The following GRIK5 variants were observed in gnomAD, a reference collection of about 807,000 sequenced individuals.
GRIK5 encodes glutamate ionotropic receptor kainate type subunit 5.
GRIK5 carries 43 observed loss-of-function variants against 97.4 expected under a neutral mutation model. The observed-to-expected ratio is 0.44, with a 90% CI of 0.35 to 0.57. GRIK5 has a LOEUF of 0.57. Ranked by LOEUF, GRIK5 falls within the 20% of genes least tolerant of loss-of-function variation. The probability of loss-of-function intolerance (pLI) is 0.01; values close to 1 mark genes in which losing one functional copy is unlikely to be tolerated. For synonymous variants in GRIK5, 580 were observed against 583.5 expected, an observed-to-expected ratio of 0.99 and a Z score of 0.09; for missense variants, 1,015 against 1,382.0, an observed-to-expected ratio of 0.73 and a Z score of 4.21.
intron 3 of GRIK5, among the ~76,000 whole-genome samples, chr19:42,064,426 C>T (rs1240604160): frequency 6.6e-6 from 1 of 152,082 alleles, no homozygotes; most frequent in African/African-American, 2.4e-5. Flanking sequence ...CCCATACCCC[C>T]CCATTTCTTG....
At chr19:42,013,196 A>G (rs1050605168) in intron 15 of GRIK5, among the ~76,000 whole-genome samples, 15 of 151,872 alleles carry the variant, frequency 9.9e-5, no homozygotes, top group African/African-American at 2.7e-4. Flanking sequence ...ACAAAAAAAA[A>G]AAAATGAAAA....
intron 6 of GRIK5, among the ~76,000 whole-genome samples, chr19:42,058,891 A>C (rs911142801): frequency 6.6e-6 from 1 of 152,120 alleles, no homozygotes; most frequent in African/African-American, 2.4e-5. Context: ...GAGCTCAATA[A>C]AAAATGTTTA....
intron 12 of GRIK5, among the ~76,000 whole-genome samples, chr19:42,028,373 C>T (rs1285377621): frequency 6.6e-6 from 1 of 152,206 alleles, no homozygotes; most frequent in Non-Finnish European, 1.5e-5. Flanking sequence ...AAACCATATT[C>T]CTGCTTTGCC....
At chr19:42,066,003 C>T (rs1047872470) in intron 1 of GRIK5, among the ~76,000 whole-genome samples, 183 bp from the exon 2 acceptor site, 3 of 152,154 alleles carry the variant, frequency 2.0e-5, no homozygotes, top group Non-Finnish European at 1.5e-5. Context: ...AGAAGGGAAG[C>T]TCAGCTCAGA....
At chr19:42,046,269 T>C (rs1025836387) in intron 11 of GRIK5, among the ~76,000 whole-genome samples, 1 of 152,010 alleles carries the variant, frequency 6.6e-6, no homozygotes, top group African/African-American at 2.4e-5. Context: ...AGGACTGGGG[T>C]CTGAGCTTAG....
At chr19:42,046,557 G>A (rs754746461) in intron 11 of GRIK5, among the ~76,000 whole-genome samples, 1 of 152,144 alleles carries the variant, frequency 6.6e-6, no homozygotes, top group Non-Finnish European at 1.5e-5. Flanking sequence ...TGAGAACAAA[G>A]ACTGAAACAA....
chr19:42,027,300 T>C (rs1462895246), intron 12 of GRIK5, among the ~76,000 whole-genome samples: 1 of 152,176 alleles, frequency 6.6e-6, no homozygotes, highest in Non-Finnish European at 1.5e-5. Context: ...AAGGGGGGTC[T>C]TATTTGAATA....
chr19:42,047,798 C>T (rs761384522), intron 11 of GRIK5, among the ~76,000 whole-genome samples: 9 of 151,698 alleles, frequency 5.9e-5, no homozygotes, highest in Non-Finnish European at 1.5e-5. Flanking sequence ...GGTGAAACCC[C>T]TATCTCTACT....
intron 15 of GRIK5, among the ~76,000 whole-genome samples, chr19:42,009,467 C>CT (rs1473756169): frequency 7.0e-6 from 1 of 143,018 alleles, no homozygotes; most frequent in Admixed American, 7.0e-5. Context: ...GAGACCTTAT[C>CT]TTTAAAAAAA....
chr19:42,057,043 G>C lies in GRIK5; in HGVS notation c.688-65C>G, dbSNP rs1399658257. ...GAGACCCACAGGCAGAGATGGGGAG[G>C]ACTCAAGAGAAGAAGAGAGATTTAG... is the stretch of plus-strand genomic sequence containing the variant. On this transcript the variant is annotated intron_variant, in intron 6 of 19. Coordinates refer to ENST00000593562, the MANE Select transcript of GRIK5 (RefSeq NM_002088.5). 53 of 1,215,802 alleles carry C rather than the reference G, an allele frequency of 4.4e-5. No homozygotes were observed. In the South Asian group the frequency reaches 5.7e-4, roughly 13 times the overall value. The allele number at this position is 1,215,802 out of a possible 1,614,324, so 75.3% of individuals were successfully genotyped here. A position where few individuals can be genotyped will look rare whatever the true frequency, so the allele number is the denominator to read the frequency against.
At chr19:42,000,621 A>G (rs1188687543) in intron 19 of GRIK5, among the ~76,000 whole-genome samples, 2 of 152,168 alleles carry the variant, frequency 1.3e-5, no homozygotes, top group African/African-American at 4.8e-5. Context: ...GGGGAGACAC[A>G]TATTTGTGGG....
chr19:42,048,910 T>C (rs2076077655), intron 11 of GRIK5, among the ~76,000 whole-genome samples: 1 of 151,720 alleles, frequency 6.6e-6, no homozygotes, highest in East Asian at 2.0e-4. Flanking sequence ...GGTGTGGTGG[T>C]GCACGACTGT....
intron 12 of GRIK5, among the ~76,000 whole-genome samples, chr19:42,036,038 A>C (rs2075900155): frequency 6.6e-6 from 1 of 152,128 alleles, no homozygotes; most frequent in African/African-American, 2.4e-5. Flanking sequence ...TTTTTTAATG[A>C]AATGGACTTT....
intron 11 of GRIK5, among the ~76,000 whole-genome samples, chr19:42,050,690 G>A (rs1354554977): frequency 6.6e-6 from 1 of 151,242 alleles, no homozygotes; most frequent in Non-Finnish European, 1.5e-5. Flanking sequence ...AAAAATAATA[G>A]AGGCAACGTG....
At position 42,002,083 on chromosome 19, in the gene GRIK5, C is replaced by T. The variant is rs2075428372; in HGVS notation, c.2514+1249G>A. 1.4e-6 allele frequency: 1 copy of T among 705,986 alleles called. No individual in the cohort carries two copies. The highest frequency in any genetic ancestry group is 2.6e-6 in the Non-Finnish European group (1 of 379,160). 43.7% of individuals were successfully genotyped at this position (705,986 alleles called of 1,614,324 possible). ...CTGGCTGTGCCGAAGCCCACTGCTA[C>T]CTCATATACATGAGGCCTGAGACCG... On this transcript the variant is annotated intron_variant, in intron 19 of 19. Transcript: ENST00000593562. The surrounding 1 kb of genome is among the most constrained non-coding windows in gnomAD (Gnocchi z 5.2).
chr19:42,046,641 C>G (rs564985858), intron 11 of GRIK5, among the ~76,000 whole-genome samples: 1 of 152,192 alleles, frequency 6.6e-6, no homozygotes, highest in East Asian at 1.9e-4. Flanking sequence ...ATAGCAAGGT[C>G]TACAAGATAT....
At position 42,006,104 on chromosome 19, in the gene GRIK5, G is replaced by T. The variant is rs1200627688; in HGVS notation, c.2038-156C>A. Among the ~76,000 whole-genome samples the T allele has an allele frequency of 1.3e-5, 2 of 152,064 alleles. No individual in the cohort carries two copies. Among genetic ancestry groups the T allele is most frequent in the Non-Finnish European group, 2.9e-5 (2 of 67,994 alleles). Reference sequence around the variant, plus strand: ...CAAAGGTAGAGGAGAGAGAGGAGATGGACAAACTGTCCAGGCCAGGTCCAA... The same window carrying T: ...CAAAGGTAGAGGAGAGAGAGGAGATTGACAAACTGTCCAGGCCAGGTCCAA... On this transcript the variant is annotated intron_variant, in intron 16 of 19. Transcript: ENST00000593562. The surrounding 1 kb of genome is among the most constrained non-coding windows in gnomAD (Gnocchi z 5.3).
intron 11 of GRIK5, among the ~76,000 whole-genome samples, chr19:42,052,532 C>A (rs558368811): frequency 6.6e-6 from 1 of 152,306 alleles, no homozygotes; most frequent in Non-Finnish European, 1.5e-5. Context: ...AACTGCTCTG[C>A]GACTCACTGC....
rs1027581932 is a variant in GRIK5 at position 42,066,558 on chromosome 19, A to G, written c.-50-738T>C. ...AGAGAAGGGAAAGACAGAGAGACTCAGAAAGAGAGAAAGGTCAAAATAGAT... is the reference window on the plus strand; with the variant it reads ...AGAGAAGGGAAAGACAGAGAGACTCGGAAAGAGAGAAAGGTCAAAATAGAT... On this transcript the variant is annotated intron_variant, in intron 1 of 19. Transcript: ENST00000593562. 1.3e-5 allele frequency among the ~76,000 whole-genome samples: 2 copies of G among 152,030 alleles called. 1 individual carries two copies. Among genetic ancestry groups the G allele is most frequent in the South Asian group, 4.2e-4 (2 of 4,814 alleles).
Sources: gnomAD v4.1 joint callset for allele counts (sites outside exome capture counted in the v4.1 genomes callset) on GRCh38, gnomAD v4.1.1 for gene constraint, Gnocchi (gnomAD v3.1) non-coding constraint, MANE v1.5 for transcripts, NCBI Gene and HGNC (gene_info 2026-07-23, HGNC 2026-07-21) for gene names.